The following CELF4 variants were observed in gnomAD, a reference collection of about 807,000 sequenced individuals.
The protein encoded by CELF4 is CUG-BP- and ETR-3-like factor 4.
Under a neutral mutation model 59.9 loss-of-function variants are expected in CELF4, and 18 were observed. The ratio of observed to expected loss-of-function variants is 0.30; its 90% CI spans 0.21 to 0.45. The LOEUF is 0.45. Ranked by LOEUF, CELF4 falls within the 20% of genes least tolerant of loss-of-function variation. The pLI is 1.00. For missense variants in CELF4, 456 were observed against 689.0 expected, an observed-to-expected ratio of 0.66 and a Z score of 3.79; for synonymous variants, 261 against 267.1, an observed-to-expected ratio of 0.98 and a Z score of 0.22.
intron 1 of CELF4, among the ~76,000 whole-genome samples, chr18:37,531,814 C>T (rs2099969830): frequency 6.6e-6 from 1 of 152,130 alleles, no homozygotes; most frequent in African/African-American, 2.4e-5. Context: ...CCCTGAGATC[C>T]GGGTGCAGTT....
intron 3 of CELF4, among the ~76,000 whole-genome samples, chr18:37,286,454 G>A (rs76753281): frequency 6.6e-6 from 1 of 152,106 alleles, no homozygotes; most frequent in Non-Finnish European, 1.5e-5. Context: ...TTCCACAGTC[G>A]CACAGAGAGG....
Position 37,387,597 on chromosome 18 carries a change from T to C in CELF4, c.370-65716A>G, listed in dbSNP as rs889151913. Among the ~76,000 whole-genome samples the C allele has an allele frequency of 4.6e-5, 7 of 152,100 alleles. 1 individual carries two copies. Among genetic ancestry groups the C allele is most frequent in the Admixed American group, 1.3e-4 (2 of 15,274 alleles). Reference sequence around the variant, plus strand: ...CCTTTGGACAAACCCAGAGTCTCGATGTAAAGTTGAGGACTCTGGTCTGGG... The same window carrying C: ...CCTTTGGACAAACCCAGAGTCTCGACGTAAAGTTGAGGACTCTGGTCTGGG... On this transcript the variant is annotated intron_variant, in intron 2 of 12. Coordinates refer to ENST00000420428, the MANE Select transcript of CELF4 (RefSeq NM_020180.4).
intron 2 of CELF4, among the ~76,000 whole-genome samples, chr18:37,401,946 G>A (rs552627061): frequency 4.4e-4 from 67 of 152,310 alleles, no homozygotes; most frequent in African/African-American, 1.3e-3. Flanking sequence ...GCCTATTCAG[G>A]TGCATCACTC....
chr18:37,525,269 A>G (rs1260998907), intron 1 of CELF4, among the ~76,000 whole-genome samples: 2 of 152,124 alleles, frequency 1.3e-5, no homozygotes. Flanking sequence ...AGGAACCAAC[A>G]AGAGGCCCTT....
intron 3 of CELF4, among the ~76,000 whole-genome samples, chr18:37,311,393 C>T (rs2096641155): frequency 6.6e-6 from 1 of 152,184 alleles, no homozygotes; most frequent in Non-Finnish European, 1.5e-5. Flanking sequence ...CACGCAGCTG[C>T]TGTTTGGGTC....
At chr18:37,417,375 C>T (rs2099537616) in intron 2 of CELF4, among the ~76,000 whole-genome samples, 2 of 152,220 alleles carry the variant, frequency 1.3e-5, no homozygotes, top group African/African-American at 2.4e-5. Flanking sequence ...GAGCACTGGG[C>T]TTCCCCTGCC....
chr18:37,290,932 G>A (rs186751072), intron 3 of CELF4, among the ~76,000 whole-genome samples: 1 of 152,232 alleles, frequency 6.6e-6, no homozygotes, highest in Non-Finnish European at 1.5e-5. Flanking sequence ...TTGAGATGGA[G>A]TTTTGCTTGC....
intron 2 of CELF4, among the ~76,000 whole-genome samples, chr18:37,474,478 G>T (rs1183107856): frequency 6.6e-6 from 1 of 152,214 alleles, no homozygotes; most frequent in Non-Finnish European, 1.5e-5. Context: ...CTGCCCTCAT[G>T]CAGCTCTGGC....
At chr18:37,298,789 C>T (rs1239291394) in intron 3 of CELF4, among the ~76,000 whole-genome samples, 1 of 151,858 alleles carries the variant, frequency 6.6e-6, no homozygotes, top group African/African-American at 2.4e-5. Context: ...TCCTCCCCTT[C>T]TCTCCTGCTA....
intron 1 of CELF4, among the ~76,000 whole-genome samples, chr18:37,523,395 G>A (rs2099959859): frequency 6.6e-6 from 1 of 152,178 alleles, no homozygotes; most frequent in African/African-American, 2.4e-5. Context: ...CATGCCCAAG[G>A]AAGAAGTTCC....
intron 2 of CELF4, among the ~76,000 whole-genome samples, chr18:37,400,883 G>C (rs1395499894): frequency 6.6e-6 from 1 of 152,250 alleles, no homozygotes; most frequent in Non-Finnish European, 1.5e-5. Context: ...TTGATTAGAG[G>C]CTCATGAATT....
intron 1 of CELF4, among the ~76,000 whole-genome samples, chr18:37,521,328 C>T (rs1480651029): frequency 3.9e-5 from 6 of 152,156 alleles, no homozygotes; most frequent in South Asian, 2.1e-4. Context: ...TAATAATGGT[C>T]CCCCAGCCCT....
Position 37,407,080 on chromosome 18 carries a change from C to T in CELF4, c.369+78445G>A, listed in dbSNP as rs544818441. ...CAAACCTTAGGATCTAATAGACCTA[C>T]TGCTTACTCTTCTTTGGACCTGGGC... is the stretch of plus-strand genomic sequence containing the variant. On this transcript the variant is annotated intron_variant, in intron 2 of 12. Transcript: ENST00000420428. Among the ~76,000 whole-genome samples, 11 of 152,352 alleles carry T rather than the reference C, an allele frequency of 7.2e-5. No homozygotes were observed. The East Asian group carries it at 9.6e-4, about 13-fold the overall frequency.
chr18:37,423,101 G>GAC (rs1482714256), intron 2 of CELF4, among the ~76,000 whole-genome samples: 4 of 151,388 alleles, frequency 2.6e-5, no homozygotes, highest in Non-Finnish European at 5.9e-5. Context: ...GAGAGAGAGA[G>GAC]AGACAGACAG....
At chr18:37,310,689 G>A (rs1232754878) in intron 3 of CELF4, among the ~76,000 whole-genome samples, 1 of 152,204 alleles carries the variant, frequency 6.6e-6, no homozygotes, top group Non-Finnish European at 1.5e-5. Flanking sequence ...CCATTCCCGT[G>A]TTTTATCAGG....
At chr18:37,302,315 C>G (rs2096106117) in intron 3 of CELF4, among the ~76,000 whole-genome samples, 1 of 152,198 alleles carries the variant, frequency 6.6e-6, no homozygotes, top group South Asian at 2.1e-4. Context: ...GAATTCCTGT[C>G]TGTATCCACA....
chr18:37,470,868 GTGTGTGTGTGTGT>G (rs2099819367), intron 2 of CELF4, among the ~76,000 whole-genome samples: 5 of 125,584 alleles, frequency 4.0e-5, no homozygotes, highest in African/African-American at 1.5e-4. Context: ...GTGTGTGTGT[GTGTGTGTGTGTGT>G]GTGTGTGACA....
chr18:37,340,973 C>G (rs774300133), intron 2 of CELF4, among the ~76,000 whole-genome samples: 1 of 152,190 alleles, frequency 6.6e-6, no homozygotes, highest in Admixed American at 6.5e-5. Context: ...CAGTCCCCAG[C>G]CATTCATACA....
At chr18:37,533,163 G>A (rs16969043) in intron 1 of CELF4, among the ~76,000 whole-genome samples, 1,656 of 152,354 alleles carry the variant, frequency 0.011, 30 homozygotes, top group African/African-American at 0.037. Context: ...GTACACGGCT[G>A]CTTACGCACG....
Sources: gnomAD v4.1 joint callset for allele counts (sites outside exome capture counted in the v4.1 genomes callset) on GRCh38, gnomAD v4.1.1 for gene constraint, MANE v1.5 for transcripts, NCBI Gene and HGNC (gene_info 2026-07-23, HGNC 2026-07-21) for gene names.